The following UGT1A9 variants were observed in gnomAD, a reference collection of about 807,000 sequenced individuals.
UGT1A9 encodes UDP glucuronosyltransferase family 1 member A9, also known as UDP-glucuronosyltransferase 1A9.
A neutral mutation model predicts 45.0 loss-of-function variants in UGT1A9; 35 were observed. The observed-to-expected ratio is 0.78, with a 90% confidence interval of 0.59 to 1.03. The LOEUF is 1.03. Among genes scored for constraint, UGT1A9 ranks in the 50% least tolerant of loss-of-function variants. UGT1A9 has a pLI of 0.00. For missense variants in UGT1A9, 687 were observed against 666.6 expected, an observed-to-expected ratio of 1.03 and a Z score of -0.34; for synonymous variants, 278 against 250.6, an observed-to-expected ratio of 1.11 and a Z score of -1.03.
At chr2:233,719,149 A>T in intron 1 of UGT1A9, 1 of 1,614,268 alleles carries the variant, frequency 6.2e-7, no homozygotes, top group Non-Finnish European at 8.5e-7. Flanking sequence ...CTGAAGAGAT[A>T]TTCTAGAAGT....
intron 1 of UGT1A9, chr2:233,712,849 T>C: frequency 3.9e-6 from 6 of 1,533,168 alleles, no homozygotes; most frequent in Non-Finnish European, 5.3e-6. Flanking sequence ...TAACGGGTAA[T>C]AAGTAACTGG....
intron 1 of UGT1A9, chr2:233,743,980 G>C: frequency 7.7e-7 from 1 of 1,302,864 alleles, no homozygotes; most frequent in Non-Finnish European, 1.0e-6. Context: ...CCAGCACCCA[G>C]GCGCAGGCCC....
intron 1 of UGT1A9, among the ~76,000 whole-genome samples, chr2:233,684,283 T>C (rs982969534): frequency 6.6e-6 from 1 of 152,174 alleles, no homozygotes; most frequent in African/African-American, 2.4e-5. Flanking sequence ...AAACATGACT[T>C]TCAGCTCTTG....
intron 1 of UGT1A9, chr2:233,748,073 A>G (rs1311035028): frequency 6.2e-7 from 1 of 1,613,214 alleles, no homozygotes; most frequent in Non-Finnish European, 8.5e-7. Context: ...GGAAGCCACT[A>G]TCTCAGGTCG....
rs768123270 is a variant in UGT1A9, at chr2:233,672,521, G to T, written c.587G>T (p.Gly196Val). ...PLSYVPRILLGFSDAMTFKER... is the reference protein window; with the variant it reads ...PLSYVPRILLVFSDAMTFKER... The stretch of plus-strand genomic sequence containing the variant: ...TCCTATGTCCCCAGAATTCTCTTAG[G>T]GTTCTCAGATGCCATGACTTTCAAG... The change falls in exon 1 of 5, where the codon GGG becomes GTG. Residue 196 changes from glycine (G) to valine (V), a missense_variant. Transcript: ENST00000354728. The T allele has an allele frequency of 3.7e-6, 6 of 1,613,872 alleles. No homozygotes were observed. The highest frequency in any genetic ancestry group is 5.1e-6 in the Non-Finnish European group (6 of 1,179,838).
At position 233,767,125 on chromosome 2, in the gene UGT1A9, C is replaced by T. The variant is rs775405878; in HGVS notation, c.947C>T (p.Ala316Val). 2.5e-6 allele frequency: 4 copies of T among 1,614,092 alleles called. No individual in the cohort carries two copies. Among genetic ancestry groups the T allele is most frequent in the Non-Finnish European group, 3.4e-6 (4 of 1,180,014 alleles). The part of the protein sequence containing the change: ...SMVSEIPEKK[A>V]MAIADALGKI... ...GTCTCAGAAATTCCAGAGAAGAAAG[C>T]TATGGCAATTGCTGATGCTTTGGGC... Residue 316 changes from alanine to valine, a missense_variant, in exon 2 of 5, where the codon GCT becomes GTT. By Grantham distance (64) the Ala-to-Val change is moderately conservative. Coordinates refer to ENST00000354728, the MANE Select transcript of UGT1A9 (RefSeq NM_021027.3).
At chr2:233,727,462 C>G (rs1389495437) in intron 1 of UGT1A9, among the ~76,000 whole-genome samples, 2 of 152,116 alleles carry the variant, frequency 1.3e-5, no homozygotes, top group Non-Finnish European at 2.9e-5. Context: ...ACTTCACTGT[C>G]TAAATAAAAC....
intron 1 of UGT1A9, chr2:233,693,247 G>A (rs376897810): frequency 4.6e-5 from 75 of 1,613,962 alleles, no homozygotes; most frequent in Middle Eastern, 1.6e-4. Flanking sequence ...ATCCAGTGCC[G>A]TATGACCAAG....
chr2:233,733,095 G>A (rs1341199680), intron 1 of UGT1A9, among the ~76,000 whole-genome samples: 1 of 152,176 alleles, frequency 6.6e-6, no homozygotes, highest in Non-Finnish European at 1.5e-5. Context: ...GTTCACTCAT[G>A]GTTTGGCTCT....
intron 1 of UGT1A9, among the ~76,000 whole-genome samples, chr2:233,765,843 C>G (rs546022798): frequency 2.0e-4 from 31 of 152,086 alleles, no homozygotes; most frequent in African/African-American, 7.2e-4. Context: ...TTTCCTTGTC[C>G]CCCTCACAGA....
rs149750520 is a variant in UGT1A9, at chr2:233,767,884, T to C, written c.1023T>C (p.Asn341=). ...GGTACACTGGAACCCGACCATCGAA[T>C]CTTGCGAACAACACGATACTTGTTA... The part of the protein sequence containing the change: ...LWRYTGTRPS[N]LANNTILVKW... The change falls in exon 3 of 5, where the codon AAT becomes AAC. Residue 341 remains asparagine (N), a synonymous_variant. Coordinates refer to ENST00000354728, the MANE Select transcript of UGT1A9 (RefSeq NM_021027.3). The C allele has an allele frequency of 6.2e-7, 1 of 1,614,080 alleles. No homozygotes were observed. Among genetic ancestry groups the C allele is most frequent in the East Asian group, 2.2e-5 (1 of 44,900 alleles).
intron 1 of UGT1A9, among the ~76,000 whole-genome samples, chr2:233,745,005 A>G (rs1189988608): frequency 6.6e-6 from 1 of 151,852 alleles, no homozygotes; most frequent in Non-Finnish European, 1.5e-5. Context: ...CTTTTACCTA[A>G]TAAATGTAAA....
chr2:233,679,138 A>G (rs2074441210), intron 1 of UGT1A9, among the ~76,000 whole-genome samples: 1 of 152,148 alleles, frequency 6.6e-6, no homozygotes, highest in Non-Finnish European at 1.5e-5. Context: ...TGATTGAGAG[A>G]CTGAATTAGA....
chr2:233,760,740 C>T (rs2125987447), intron 1 of UGT1A9: 1 of 1,614,120 alleles, frequency 6.2e-7, no homozygotes, highest in Non-Finnish European at 8.5e-7. Context: ...TGCTGACGGA[C>T]CCTTTCCTTC....
chr2:233,760,179 T>C (rs2125979771), intron 1 of UGT1A9: 1 of 1,547,106 alleles, frequency 6.5e-7, no homozygotes, highest in South Asian at 1.2e-5. Flanking sequence ...TGACAGCTTT[T>C]TATAGTCACG....
rs1694565729 is a variant in UGT1A9, at chr2:233,750,814, C to T, written c.856-16220C>T. 2.0e-5 allele frequency: 3 copies of T among 151,858 alleles called. No individual in the cohort carries two copies. In the South Asian group the frequency reaches 6.2e-4, roughly 31 times the overall value. The allele number at this position is 151,858 out of a possible 1,614,324, so 9.4% of individuals were successfully genotyped here. A position where few individuals can be genotyped will look rare whatever the true frequency, so the allele number is the denominator to read the frequency against. On this transcript the variant is annotated intron_variant, in intron 1 of 4. Coordinates refer to ENST00000354728, the MANE Select transcript of UGT1A9 (RefSeq NM_021027.3). ...ATAAGAATTTAGGTTTGGGAACCTCCACATAAATTTGAGAGGATGTAAGGA... is the reference window on the plus strand; with the variant it reads ...ATAAGAATTTAGGTTTGGGAACCTCTACATAAATTTGAGAGGATGTAAGGA...
intron 1 of UGT1A9, chr2:233,713,922 A>G (rs1251047267): frequency 1.2e-6 from 2 of 1,612,068 alleles, no homozygotes; most frequent in Non-Finnish European, 1.7e-6. Flanking sequence ...AAATGTATTT[A>G]CTTACAAGTG....
chr2:233,677,718 C>A (rs560879078), intron 1 of UGT1A9, among the ~76,000 whole-genome samples: 100 of 151,980 alleles, frequency 6.6e-4, no homozygotes, highest in African/African-American at 2.2e-3. Flanking sequence ...AACACTTGTA[C>A]CCTCTTGGTG....
rs1697701353 is a variant in UGT1A9, at chr2:233,761,179, G to A, written c.856-5855G>A. ...GTGTATTGGAGTGGGACTTTTACAT[G>A]CGTATATTCTTTCAGATGTATTACT... On this transcript the variant is annotated intron_variant, in intron 1 of 4. Transcript: ENST00000354728. 3 of 1,614,024 alleles carry A rather than the reference G, an allele frequency of 1.9e-6. No individual in the cohort carries two copies. In the South Asian group the frequency reaches 3.3e-5, roughly 18 times the overall value.
Sources: allele counts gnomAD v4.1 joint callset (sites outside exome capture counted in the v4.1 genomes callset), GRCh38; gene constraint gnomAD v4.1.1; transcripts MANE v1.5; gene names NCBI Gene and HGNC (gene_info 2026-07-23, HGNC 2026-07-21).